The following FAT1 variants were observed in gnomAD, a reference collection of about 807,000 sequenced individuals.
FAT1 encodes the protein FAT atypical cadherin 1.
In FAT1, 171 loss-of-function variants were observed where a neutral mutation model predicts 329.8. The ratio of observed to expected loss-of-function variants is 0.52; its 90% CI spans 0.46 to 0.59. FAT1 has a LOEUF of 0.59. FAT1 is among the 20% of genes least tolerant of loss of function. The pLI, the probability that FAT1 is intolerant of heterozygous loss-of-function variation, is 0.00. For synonymous variants in FAT1, 2,233 were observed against 2,228.6 expected (o/e 1.00, Z -0.06); for missense variants, 5,672 against 5,774.4 (o/e 0.98, Z 0.57).
At chr4:186,698,543 G>A (rs1428392458) in intron 2 of FAT1, among the ~76,000 whole-genome samples, 1 of 152,222 alleles carries the variant, frequency 6.6e-6, no homozygotes, top group Non-Finnish European at 1.5e-5. Flanking sequence ...TAACGAAGAG[G>A]GCTGTCAAGA....
At chr4:186,658,990 T>G (rs779801083) in intron 3 of FAT1, among the ~76,000 whole-genome samples, 1 of 152,256 alleles carries the variant, frequency 6.6e-6, no homozygotes, top group East Asian at 1.9e-4. Flanking sequence ...ACGCACTGCA[T>G]AACGACGTGT....
chr4:186,590,275 C>G (rs1465051323), intron 26 of FAT1: 1 of 728,662 alleles, frequency 1.4e-6, no homozygotes, highest in Non-Finnish European at 2.1e-6. Context: ...GCTGCAAACA[C>G]TGGGCGACCC....
At chr4:186,701,032 C>G (rs1377251270) in intron 2 of FAT1, among the ~76,000 whole-genome samples, 1 of 152,188 alleles carries the variant, frequency 6.6e-6, no homozygotes, top group Admixed American at 6.5e-5. Flanking sequence ...CAACGTGGGA[C>G]GGCCCTGAGT....
rs1373676802 is a variant in FAT1 at position 186,609,302 on chromosome 4, C to T, written c.10087G>A (p.Asp3363Asn). The change falls in exon 16 of 27, where the codon GAT (aspartate) becomes AAT (asparagine). Residue 3363 changes from aspartate to asparagine, a missense_variant. Physicochemically the swap from Asp to Asn is conservative, Grantham distance 23. This residue lies in a region of FAT1 where 1,706 missense variants were observed against 1,859.1 expected (regional missense o/e 0.92). Transcript: ENST00000441802. ...SVITVMADDA[D>N]GPSNSHIHYS... ...TGGATGTGGCTGTTGGAAGGTCCAT[C>T]GGCATCATCGGCCATAACCTAGAAC... 31 of 1,613,864 alleles carry T rather than the reference C, an allele frequency of 1.9e-5. No homozygotes were observed. Among genetic ancestry groups the T allele is most frequent in the Non-Finnish European group, 2.3e-5 (27 of 1,179,890 alleles).
chr4:186,631,805 A>G (rs559503239), intron 7 of FAT1, among the ~76,000 whole-genome samples: 1 of 152,074 alleles, frequency 6.6e-6, no homozygotes, highest in South Asian at 2.1e-4. Context: ...CTGCTTTTCA[A>G]TCCATCCCCG....
In FAT1 at chr4:186,708,279, C is replaced by T. The variant is rs1234455452; in HGVS notation, c.1549G>A (p.Gly517Ser). ...HVPFAIDHFT[G>S]AVSTSENLDY... is the part of the protein sequence containing the mutation. ...AGGTTTTCTGACGTACTCACGGCAC[C>T]AGTGAAATGGTCAATCGCAAACGGC... The change falls in exon 2 of 27, where the codon GGT becomes AGT. Residue 517 changes from glycine (G) to serine (S), a missense_variant. This residue lies in a region of FAT1 where 3,966 missense variants were observed against 3,915.2 expected (regional missense o/e 1.01). Coordinates refer to ENST00000441802, the MANE Select transcript of FAT1 (RefSeq NM_005245.4). 6.2e-7 allele frequency: 1 copy of T among 1,613,968 alleles called. No homozygotes were observed. Among genetic ancestry groups the T allele is most frequent in the East Asian group, 2.2e-5 (1 of 44,876 alleles).
Position 186,703,812 on chromosome 4 carries a change from C to T in FAT1, c.3265+2751G>A, listed in dbSNP as rs151097185. On this transcript the variant is annotated intron_variant, in intron 2 of 26. Transcript: ENST00000441802. ...CTCAACTGCCCCTCCATCTCTTCAC[C>T]TGACACGCATCTTTCCACACTTCCT... Among the ~76,000 whole-genome samples the T allele has an allele frequency of 6.6e-5, 10 of 152,376 alleles. No homozygotes were observed. In the East Asian group the frequency reaches 1.7e-3, roughly 26 times the overall value.
intron 2 of FAT1, among the ~76,000 whole-genome samples, chr4:186,663,873 G>C (rs898658308): frequency 6.6e-6 from 1 of 152,170 alleles, no homozygotes; most frequent in African/African-American, 2.4e-5. Context: ...TTTGTTATTA[G>C]AATCAGGTGT....
In FAT1 at chr4:186,619,443, G is replaced by A. The variant is rs113564024; in HGVS notation, c.7143C>T (p.Thr2381=). 131 of 1,613,920 alleles carry A rather than the reference G, an allele frequency of 8.1e-5. 1 individual carries two copies. The highest frequency in any genetic ancestry group is 6.8e-4 in the African/African-American group (51 of 75,024). Residue 2381 remains threonine (T), a synonymous_variant, in exon 10 of 27, where the codon ACC becomes ACT. Transcript: ENST00000441802. Reference sequence around the variant, plus strand: ...AGAGTGGTGGATTATCATTGAGGTCGGTAACGTCCACCGTGACAATCACAT... The same window carrying A: ...AGAGTGGTGGATTATCATTGAGGTCAGTAACGTCCACCGTGACAATCACAT... ...SSDVIVTVDV[T]DLNDNPPLFE...
In FAT1 at chr4:186,628,779, A is replaced by T; in HGVS notation, c.4324-16T>A. 1 of 1,605,706 alleles carries T rather than the reference A, an allele frequency of 6.2e-7. No individual in the cohort carries two copies. Among genetic ancestry groups the T allele is most frequent in the Non-Finnish European group, 8.5e-7 (1 of 1,176,624 alleles). On this transcript the variant is annotated splice_polypyrimidine_tract_variant and intron_variant, in intron 7 of 26. Transcript: ENST00000441802. ...TGATGAATACCTGTAATGGATGACA[A>T]AATGACTCATACAATATTTCCAATT...
chr4:186,599,996 G>A lies in FAT1; in HGVS notation c.12005C>T (p.Ser4002Leu), dbSNP rs768613095. The change falls in exon 22 of 27, where the codon TCG (serine) becomes TTG (leucine). Residue 4002 changes from serine to leucine, a missense_variant. Ser to Leu is a moderately radical substitution (Grantham distance 145). Around this residue, in one of 2 missense-constraint regions of FAT1, gnomAD observed 1,706 missense variants for 1,859.1 expected, o/e 0.92. Transcript: ENST00000441802. ...KPRSYAHIEE[S>L]VDVSPGCFLT... is the part of the protein sequence containing the mutation. ...GAAGCAGCCTGGAGATACATCCACC[G>A]ACTCTTCGATGTGTGCATAGCTTCT... 9.3e-6 allele frequency: 15 copies of A among 1,613,828 alleles called. No individual in the cohort carries two copies. Among genetic ancestry groups the A allele is most frequent in the Admixed American group, 8.3e-5 (5 of 59,996 alleles).
At chr4:186,616,472 C>T (rs183871709) in intron 11 of FAT1, among the ~76,000 whole-genome samples, 1 of 152,230 alleles carries the variant, frequency 6.6e-6, no homozygotes, top group African/African-American at 2.4e-5. Context: ...CCCTTCTCAC[C>T]CTCTGGCCCC....
chr4:186,679,080 T>TA (rs34578932), intron 2 of FAT1, among the ~76,000 whole-genome samples: 5 of 152,018 alleles, frequency 3.3e-5, no homozygotes, highest in South Asian at 4.2e-4. Context: ...ACCTTTTGTT[T>TA]AAAAAAATAT....
intron 2 of FAT1, among the ~76,000 whole-genome samples, chr4:186,695,144 T>C (rs1403115871): frequency 6.6e-6 from 1 of 152,246 alleles, no homozygotes; most frequent in Non-Finnish European, 1.5e-5. Context: ...ATCCTACTAA[T>C]CTGAACGTTT....
chr4:186,701,109 C>T lies in FAT1; in HGVS notation c.3265+5454G>A, dbSNP rs1472309329. On this transcript the variant is annotated intron_variant, in intron 2 of 26. Coordinates refer to ENST00000441802, the MANE Select transcript of FAT1 (RefSeq NM_005245.4). ...ACTTGTTCAGTCAGTAACGCATCAA[C>T]GTGGTAAACATCATACAAATAACTA... Among the ~76,000 whole-genome samples, 4 of 152,190 alleles carry T rather than the reference C, an allele frequency of 2.6e-5. No individual in the cohort carries two copies. In the East Asian group the frequency reaches 7.7e-4, roughly 29 times the overall value.
intron 17 of FAT1, among the ~76,000 whole-genome samples, 173 bp from the exon 18 acceptor site, chr4:186,604,747 G>A (rs1216479927): frequency 6.6e-6 from 1 of 151,786 alleles, no homozygotes; most frequent in African/African-American, 2.4e-5. Flanking sequence ...TGAGGAGGAG[G>A]GAAAGGAGAA....
intron 6 of FAT1, among the ~76,000 whole-genome samples, chr4:186,634,628 T>A (rs1740746253): frequency 6.6e-6 from 1 of 151,252 alleles, no homozygotes; most frequent in African/African-American, 2.4e-5. Flanking sequence ...AAAACAGCGA[T>A]GGAAGATAGT....
chr4:186,619,651 GA>G lies in FAT1; in HGVS notation c.6934del (p.Ser2312GlnfsTer24). ...VVQVRATDSD[S>X]EPNRGISYQM... ...GTATGAGATTCCTCTATTTGGTTCT[GA>G]ATCAGAATCGGTGGCTCTAACTTGA... On this transcript the variant is annotated frameshift_variant, in exon 10 of 27. Coordinates refer to ENST00000441802, the MANE Select transcript of FAT1 (RefSeq NM_005245.4). LOFTEE classifies it high-confidence loss of function. 1.2e-6 allele frequency: 2 copies of G among 1,613,998 alleles called. No individual in the cohort carries two copies. The highest frequency in any genetic ancestry group is 1.7e-6 in the Non-Finnish European group (2 of 1,179,900).
Position 186,600,200 on chromosome 4 carries a change from G to A in FAT1, c.11801C>T (p.Ser3934Leu), listed in dbSNP as rs1268188397. The change falls in exon 22 of 27, where the codon TCG becomes TTG. Residue 3934 changes from serine (S) to leucine (L), a missense_variant. Around this residue, in one of 2 missense-constraint regions of FAT1, gnomAD observed 1,706 missense variants for 1,859.1 expected, o/e 0.92. Transcript: ENST00000441802. Reference sequence around the variant, plus strand: ...TTTCAGAGTCCCTGGGGCTGTGCCCGATGCAGTATGAACTTGGTCTAGAAC... The same window carrying A: ...TTTCAGAGTCCCTGGGGCTGTGCCCAATGCAGTATGAACTTGGTCTAGAAC... Reference protein sequence around the residue: ...RLVLDQVHTASGTAPGTLKTL... With the variant: ...RLVLDQVHTALGTAPGTLKTL... 3 of 1,614,036 alleles carry A rather than the reference G, an allele frequency of 1.9e-6. No homozygotes were observed. The highest frequency in any genetic ancestry group is 4.5e-5 in the East Asian group (2 of 44,888).
Sources: allele counts gnomAD v4.1 joint callset (sites outside exome capture counted in the v4.1 genomes callset), GRCh38; gene constraint gnomAD v4.1.1; regional missense constraint gnomAD v4.1.1; transcripts MANE v1.5; gene names NCBI Gene and HGNC (gene_info 2026-07-23, HGNC 2026-07-21).